The following HOMER1 variants were observed in gnomAD, a reference collection of about 807,000 sequenced individuals.
The protein encoded by HOMER1 is homer scaffold protein 1, also known as homer protein homolog 1.
HOMER1 carries 3 observed loss-of-function variants against 48.9 expected under a neutral mutation model. The observed-to-expected ratio is 0.06, with a 90% confidence interval of 0.03 to 0.16. The LOEUF is 0.16. Ranked by LOEUF, HOMER1 falls within the 10% of genes least tolerant of loss-of-function variation. The probability of loss-of-function intolerance (pLI) is 1.00; values close to 1 mark genes in which losing one functional copy is unlikely to be tolerated. For missense variants in HOMER1, 247 were observed against 411.4 expected, an observed-to-expected ratio of 0.60 and a Z score of 3.46; for synonymous variants, 134 against 146.4, an observed-to-expected ratio of 0.92 and a Z score of 0.61.
At chr5:79,510,114 C>G (rs1209030384) in intron 1 of HOMER1, among the ~76,000 whole-genome samples, 1 of 151,950 alleles carries the variant, frequency 6.6e-6, no homozygotes, top group Non-Finnish European at 1.5e-5. Context: ...GTATGCTCTT[C>G]TACTTCCATC....
Position 79,513,112 on chromosome 5 carries a change from G to A in HOMER1, c.-338C>T. Reference sequence around the variant, plus strand: ...ACCGAGTCCTATAAAAAATGAGTTCGCTGGTCATTTCACTCATGTCCTCCT... The same window carrying A: ...ACCGAGTCCTATAAAAAATGAGTTCACTGGTCATTTCACTCATGTCCTCCT... On this transcript the variant is annotated 5_prime_UTR_variant, in exon 1 of 9. Transcript: ENST00000334082. 2 of 340,322 alleles carry A rather than the reference G, an allele frequency of 5.9e-6. No homozygotes were observed. Among genetic ancestry groups the A allele is most frequent in the African/African-American group, 2.2e-5 (1 of 46,192 alleles). 21.1% of individuals were successfully genotyped at this position (340,322 alleles called of 1,614,324 possible). A position where few individuals can be genotyped will look rare whatever the true frequency, so the allele number is the denominator to read the frequency against.
At position 79,497,165 on chromosome 5, in the gene HOMER1, A is replaced by G. The variant is rs549141979; in HGVS notation, c.5+15605T>C. 1.3e-3 allele frequency among the ~76,000 whole-genome samples: 198 copies of G among 152,282 alleles called. No homozygotes were observed. The South Asian group carries it at 0.015, about 12-fold the overall frequency. On this transcript the variant is annotated intron_variant, in intron 1 of 8. Transcript: ENST00000334082. ...ATCTAGACAGAATAACATAGAAGTAAGTAAGATGTCTTCTAAAAGCAGAAA... is the reference window on the plus strand; with the variant it reads ...ATCTAGACAGAATAACATAGAAGTAGGTAAGATGTCTTCTAAAAGCAGAAA...
At chr5:79,507,927 A>G (rs188558542) in intron 1 of HOMER1, among the ~76,000 whole-genome samples, 46 of 152,280 alleles carry the variant, frequency 3.0e-4, no homozygotes, top group Admixed American at 1.4e-3. Flanking sequence ...TACCTCTCCA[A>G]TGAAATGTCC....
intron 8 of HOMER1, among the ~76,000 whole-genome samples, chr5:79,395,601 G>A (rs1749363565): frequency 6.6e-6 from 1 of 152,178 alleles, no homozygotes; most frequent in Non-Finnish European, 1.5e-5. Context: ...GATGGGAAGG[G>A]GAGAGGTAAA....
At chr5:79,472,939 G>T (rs1337312203) in intron 1 of HOMER1, among the ~76,000 whole-genome samples, 2 of 152,138 alleles carry the variant, frequency 1.3e-5, no homozygotes, top group African/African-American at 4.8e-5. Flanking sequence ...AACTATGTCT[G>T]TTCAGAATTA....
chr5:79,446,065 C>T (rs1750870877), intron 4 of HOMER1, among the ~76,000 whole-genome samples: 1 of 152,174 alleles, frequency 6.6e-6, no homozygotes, highest in African/African-American at 2.4e-5. Flanking sequence ...ACTGCTTCTC[C>T]CCTCTAGGGC....
chr5:79,494,856 T>G (rs567572766), intron 1 of HOMER1, among the ~76,000 whole-genome samples: 2 of 152,190 alleles, frequency 1.3e-5, no homozygotes, highest in Non-Finnish European at 2.9e-5. Context: ...GCAACAAGAG[T>G]GAAACTCTTG....
At chr5:79,379,991 C>T (rs968426252) in intron 8 of HOMER1, among the ~76,000 whole-genome samples, 2 of 152,026 alleles carry the variant, frequency 1.3e-5, no homozygotes, top group African/African-American at 4.8e-5. Flanking sequence ...TAAGAAGAAC[C>T]GAAATAGTGA....
chr5:79,465,595 T>C (rs893592663), intron 1 of HOMER1, among the ~76,000 whole-genome samples: 24 of 129,504 alleles, frequency 1.9e-4, no homozygotes, highest in Admixed American at 3.1e-4. Context: ...TTTTTTTTTT[T>C]TTTTTTTTTT....
intron 5 of HOMER1, among the ~76,000 whole-genome samples, chr5:79,427,578 G>A (rs4704558): frequency 0.25 from 38,491 of 151,860 alleles, 6,012 homozygotes; most frequent in East Asian, 0.75. Context: ...TGGTAGAGAC[G>A]GGGTTTTGCC....
At chr5:79,482,949 G>GC (rs1751987321) in intron 1 of HOMER1, among the ~76,000 whole-genome samples, 1 of 152,132 alleles carries the variant, frequency 6.6e-6, no homozygotes, top group African/African-American at 2.4e-5. Flanking sequence ...GCTGCAGTGA[G>GC]CCGTGATCAT....
chr5:79,488,248 GA>G (rs1377127503), intron 1 of HOMER1, among the ~76,000 whole-genome samples: 1 of 152,200 alleles, frequency 6.6e-6, no homozygotes, highest in Non-Finnish European at 1.5e-5. Context: ...TATGAGAGGT[GA>G]TTAGGCAGTG....
At chr5:79,377,308 T>C (rs74548577) in intron 8 of HOMER1, among the ~76,000 whole-genome samples, 4,458 of 152,210 alleles carry the variant, frequency 0.029, 224 homozygotes, top group African/African-American at 0.1. Flanking sequence ...ACAAATATAA[T>C]AAAGTGAGTC....
At chr5:79,498,859 G>A (rs1358564911) in intron 1 of HOMER1, among the ~76,000 whole-genome samples, 1 of 138,738 alleles carries the variant, frequency 7.2e-6, no homozygotes, top group African/African-American at 2.7e-5. Flanking sequence ...TTTTCAGACA[G>A]AGTCTCGCTC....
chr5:79,506,588 G>A (rs1404833773), intron 1 of HOMER1, among the ~76,000 whole-genome samples: 5 of 152,192 alleles, frequency 3.3e-5, no homozygotes, highest in Admixed American at 6.5e-5. Context: ...TTGGCCAGGC[G>A]TGATGGCTCA....
intron 1 of HOMER1, among the ~76,000 whole-genome samples, chr5:79,460,827 G>C (rs1751300287): frequency 6.6e-6 from 1 of 152,170 alleles, no homozygotes; most frequent in Admixed American, 6.5e-5. Context: ...TGTTCATTGT[G>C]CCAAGGTTGA....
intron 5 of HOMER1, among the ~76,000 whole-genome samples, chr5:79,429,473 G>T (rs1750360565): frequency 6.6e-6 from 1 of 152,086 alleles, no homozygotes; most frequent in Non-Finnish European, 1.5e-5. Flanking sequence ...GCTGATTTTT[G>T]ACAAGGGTGC....
intron 3 of HOMER1, among the ~76,000 whole-genome samples, chr5:79,449,092 T>C (rs1750961175): frequency 6.6e-6 from 1 of 152,174 alleles, no homozygotes; most frequent in Non-Finnish European, 1.5e-5. Context: ...ACTTGAAAGA[T>C]GTAACGAAGA....
chr5:79,447,346 T>C (rs1219635580), intron 3 of HOMER1, among the ~76,000 whole-genome samples: 4 of 152,232 alleles, frequency 2.6e-5, no homozygotes, highest in South Asian at 4.1e-4. Context: ...ATGAAGTATT[T>C]TGACAAATCT....
Sources: gnomAD v4.1 joint callset for allele counts (sites outside exome capture counted in the v4.1 genomes callset) on GRCh38, gnomAD v4.1.1 for gene constraint, MANE v1.5 for transcripts, NCBI Gene and HGNC (gene_info 2026-07-23, HGNC 2026-07-21) for gene names.